Variants in CLEC16A observed in about 807,000 individuals in gnomAD.
The protein encoded by CLEC16A is C-type lectin domain containing 16A, also known as protein CLEC16A.
A neutral mutation model predicts 109.5 loss-of-function variants in CLEC16A; 51 were observed. The ratio of observed to expected loss-of-function variants is 0.47; its 90% CI spans 0.37 to 0.59. CLEC16A has a LOEUF of 0.59. CLEC16A is among the 20% of genes least tolerant of loss of function. The pLI is 0.00. For missense variants in CLEC16A, 1,339 were observed against 1,394.0 expected (o/e 0.96, Z 0.63); for synonymous variants, 673 against 564.2 (o/e 1.19, Z -2.73).
intron 22 of CLEC16A, among the ~76,000 whole-genome samples, chr16:11,135,683 G>A (rs532636317): frequency 6.6e-6 from 1 of 152,240 alleles, no homozygotes. Flanking sequence ...TGCAGTAGGT[G>A]GGGGGAGAGA....
intron 1 of CLEC16A, among the ~76,000 whole-genome samples, chr16:10,955,672 C>T (rs2041952705): frequency 1.3e-5 from 2 of 152,212 alleles, no homozygotes; most frequent in Non-Finnish European, 2.9e-5. Flanking sequence ...AGCAGACCCA[C>T]CCACCTAAGC....
At chr16:10,970,428 G>A (rs1389982677) in intron 4 of CLEC16A, among the ~76,000 whole-genome samples, 1 of 152,126 alleles carries the variant, frequency 6.6e-6, no homozygotes, top group African/African-American at 2.4e-5. Flanking sequence ...CATTTAATCT[G>A]GAAACCATAA....
chr16:11,147,207 A>G (rs2054099964), intron 22 of CLEC16A, among the ~76,000 whole-genome samples: 1 of 152,226 alleles, frequency 6.6e-6, no homozygotes, highest in Non-Finnish European at 1.5e-5. Context: ...GGCTAGGCAC[A>G]GAATTCCCCT....
intron 19 of CLEC16A, among the ~76,000 whole-genome samples, chr16:11,076,725 A>G (rs935007997): frequency 1.3e-5 from 2 of 152,128 alleles, no homozygotes; most frequent in African/African-American, 4.8e-5. Flanking sequence ...AAGTCAGGAG[A>G]AGGCCATCTC....
chr16:11,043,318 G>T (rs768859007), intron 15 of CLEC16A, among the ~76,000 whole-genome samples: 1 of 152,184 alleles, frequency 6.6e-6, no homozygotes, highest in African/African-American at 2.4e-5. Flanking sequence ...GCTGAGGCTG[G>T]AAGATTGCCT....
chr16:11,023,749 A>T (rs1310843213), intron 12 of CLEC16A, among the ~76,000 whole-genome samples: 2 of 152,250 alleles, frequency 1.3e-5, no homozygotes, highest in Non-Finnish European at 2.9e-5. Flanking sequence ...CCCCGTAGGC[A>T]TCCAATGTTC....
At chr16:11,007,630 C>A (rs1208211721) in intron 11 of CLEC16A, among the ~76,000 whole-genome samples, 1 of 152,196 alleles carries the variant, frequency 6.6e-6, no homozygotes, top group Non-Finnish European at 1.5e-5. Context: ...TTCTACGAAC[C>A]CTGGCCAAGG....
intron 16 of CLEC16A, among the ~76,000 whole-genome samples, chr16:11,046,577 C>T (rs1341575363): frequency 2.6e-5 from 4 of 152,070 alleles, no homozygotes; most frequent in Admixed American, 6.6e-5. Flanking sequence ...TCACACTGAC[C>T]CAACCCTGAA....
At chr16:10,947,445 T>C (rs912929898) in intron 1 of CLEC16A, among the ~76,000 whole-genome samples, 11 of 152,168 alleles carry the variant, frequency 7.2e-5, no homozygotes, top group African/African-American at 2.2e-4. Context: ...GGAACCCTTA[T>C]TGGGAGCTTT....
chr16:11,159,812 C>T (rs1417102592), intron 22 of CLEC16A, among the ~76,000 whole-genome samples: 1 of 152,170 alleles, frequency 6.6e-6, no homozygotes, highest in East Asian at 1.9e-4. Flanking sequence ...TATAACTTTT[C>T]ACCTTTTATT....
intron 4 of CLEC16A, 53 bp downstream of exon 4, chr16:10,969,362 T>A: frequency 7.7e-7 from 1 of 1,295,426 alleles, no homozygotes; most frequent in Non-Finnish European, 1.0e-6. Flanking sequence ...CGTGGCTTTT[T>A]TTTTTTTTTT....
intron 22 of CLEC16A, among the ~76,000 whole-genome samples, chr16:11,158,814 G>A (rs2054620704): frequency 6.6e-6 from 1 of 152,066 alleles, no homozygotes; most frequent in Non-Finnish European, 1.5e-5. Flanking sequence ...CAGCTACTTG[G>A]GAGACTGAGG....
intron 19 of CLEC16A, among the ~76,000 whole-genome samples, chr16:11,118,169 G>C (rs1353246840): frequency 1.3e-5 from 2 of 151,912 alleles, no homozygotes; most frequent in Non-Finnish European, 2.9e-5. Context: ...GCCCAGGCTG[G>C]TCTTGAACTC....
chr16:10,989,572 A>G lies in CLEC16A; in HGVS notation c.1071+6581A>G, dbSNP rs537798952. The stretch of plus-strand genomic sequence containing the variant: ...TACTTAACTGCTAATGTGGGTTCAT[A>G]TGGTTGGCTGGTTGTGAAGTCAGGG... On this transcript the variant is annotated intron_variant, in intron 10 of 23. Coordinates refer to ENST00000409790, the MANE Select transcript of CLEC16A (RefSeq NM_015226.3). 1.4e-3 allele frequency among the ~76,000 whole-genome samples: 218 copies of G among 152,276 alleles called. 1 individual carries two copies. Among genetic ancestry groups the G allele is most frequent in the African/African-American group, 4.4e-3 (183 of 41,560 alleles).
At chr16:11,120,127 A>T (rs888339180) in intron 19 of CLEC16A, among the ~76,000 whole-genome samples, 1 of 152,082 alleles carries the variant, frequency 6.6e-6, no homozygotes, top group Non-Finnish European at 1.5e-5. Flanking sequence ...CCACCACCAC[A>T]CCCAGCTAAT....
intron 23 of CLEC16A, among the ~76,000 whole-genome samples, chr16:11,169,347 C>T (rs2068408380): frequency 6.6e-6 from 1 of 152,160 alleles, no homozygotes; most frequent in Non-Finnish European, 1.5e-5. Flanking sequence ...AGTGCAGTGT[C>T]GCAGTCTCGG....
chr16:11,142,156 G>C (rs1391739378), intron 22 of CLEC16A, among the ~76,000 whole-genome samples: 2 of 152,152 alleles, frequency 1.3e-5, no homozygotes, highest in African/African-American at 2.4e-5. Flanking sequence ...GAGAGGTGAG[G>C]TAACTTGCCC....
intron 11 of CLEC16A, among the ~76,000 whole-genome samples, chr16:11,019,769 CAAAAA>C (rs59863035): frequency 2.5e-5 from 2 of 81,196 alleles, no homozygotes; most frequent in East Asian, 4.0e-4. Context: ...GACTCTGTCT[CAAAAA>C]AAAAAAAAAA....
At position 11,180,637 on chromosome 16, in the gene CLEC16A, C is replaced by T. The variant is rs986400214; in HGVS notation, c.*1947C>T. The T allele has an allele frequency of 6.6e-6, 1 of 152,292 alleles. No homozygotes were observed. Among genetic ancestry groups the T allele is most frequent in the African/African-American group, 2.4e-5 (1 of 41,458 alleles). The allele number at this position is 152,292 out of a possible 1,614,324, so 9.4% of individuals were successfully genotyped here. On this transcript the variant is annotated 3_prime_UTR_variant, in exon 24 of 24. Coordinates refer to ENST00000409790, the MANE Select transcript of CLEC16A (RefSeq NM_015226.3). Reference sequence around the variant, plus strand: ...CTGGCCCTGGCTGGAGATGGCTAGCCCCTGAGACATGCACTTCTGGTTTTG... The same window carrying T: ...CTGGCCCTGGCTGGAGATGGCTAGCTCCTGAGACATGCACTTCTGGTTTTG...
Sources: gnomAD v4.1 joint callset for allele counts (sites outside exome capture counted in the v4.1 genomes callset) on GRCh38, gnomAD v4.1.1 for gene constraint, MANE v1.5 for transcripts, NCBI Gene and HGNC (gene_info 2026-07-23, HGNC 2026-07-21) for gene names.